NTRK2: variants seen among roughly 807,000 people sequenced by gnomAD.
NTRK2 encodes the protein BDNF/NT-3 growth factors receptor.
Under a neutral mutation model 94.5 loss-of-function variants are expected in NTRK2, and 13 were observed. The ratio of observed to expected loss-of-function variants is 0.14; its 90% confidence interval spans 0.09 to 0.22. The LOEUF is 0.22. NTRK2 is among the 10% of genes least tolerant of loss of function. NTRK2 has a pLI of 1.00. For missense variants in NTRK2, 639 were observed against 1,071.2 expected, an observed-to-expected ratio of 0.60 and a Z score of 5.63; for synonymous variants, 372 against 407.4, an observed-to-expected ratio of 0.91 and a Z score of 1.05.
At chr9:84,823,012 T>C (rs2072949823) in intron 12 of NTRK2, among the ~76,000 whole-genome samples, 1 of 152,134 alleles carries the variant, frequency 6.6e-6, no homozygotes, top group Non-Finnish European at 1.5e-5. Flanking sequence ...AACATCTGGG[T>C]TGAGTGCTTT....
At chr9:84,702,120 A>G (rs368535776) in intron 2 of NTRK2, 39 bp from the exon 3 acceptor site, 1 of 1,590,414 alleles carries the variant, frequency 6.3e-7, no homozygotes, top group Non-Finnish European at 8.6e-7. Context: ...TGCTGCCTAC[A>G]TTCTGAGTCA....
chr9:84,888,203 G>A (rs1477654781), intron 14 of NTRK2, among the ~76,000 whole-genome samples: 1 of 152,154 alleles, frequency 6.6e-6, no homozygotes, highest in East Asian at 1.9e-4. Context: ...GAAAGGGAAG[G>A]AGAAAGAAAA....
intron 15 of NTRK2, among the ~76,000 whole-genome samples, chr9:84,935,743 A>G (rs563873836): frequency 3.3e-4 from 50 of 152,256 alleles, no homozygotes; most frequent in African/African-American, 1.1e-3. Context: ...TGCTTTTGCT[A>G]TTACTTCCTC....
At chr9:84,719,835 G>A (rs966868677) in intron 6 of NTRK2, among the ~76,000 whole-genome samples, 4 of 151,902 alleles carry the variant, frequency 2.6e-5, no homozygotes, top group Non-Finnish European at 5.9e-5. Flanking sequence ...CCTGGGCAAT[G>A]TGGCGAAACC....
At chr9:84,733,585 A>G (rs1301962821) in intron 9 of NTRK2, among the ~76,000 whole-genome samples, 1 of 152,202 alleles carries the variant, frequency 6.6e-6, no homozygotes, top group Non-Finnish European at 1.5e-5. Context: ...CCTCTTGCCC[A>G]TATAACAAAA....
intron 14 of NTRK2, chr9:84,874,806 G>A: frequency 1.9e-6 from 2 of 1,058,202 alleles, no homozygotes; most frequent in Non-Finnish European, 2.3e-6. Flanking sequence ...GTGAGAGAAT[G>A]CTGAGGCAGT....
intron 14 of NTRK2, among the ~76,000 whole-genome samples, chr9:84,892,854 G>A (rs1224313780): frequency 2.0e-5 from 3 of 151,824 alleles, no homozygotes; most frequent in Non-Finnish European, 2.9e-5. Context: ...CTGGGGAGGC[G>A]GAAGTTTCAG....
At chr9:84,979,915 TA>T (rs1168152596) in intron 17 of NTRK2, among the ~76,000 whole-genome samples, 1 of 152,238 alleles carries the variant, frequency 6.6e-6, no homozygotes, top group Non-Finnish European at 1.5e-5. Context: ...TAAAGTGTTT[TA>T]AAATTAAGGT....
intron 12 of NTRK2, among the ~76,000 whole-genome samples, chr9:84,789,383 TCC>T (rs1165683661): frequency 2.0e-5 from 3 of 152,214 alleles, no homozygotes; most frequent in Non-Finnish European, 2.9e-5. Context: ...GAGCCAATTG[TCC>T]AGAGCCTTTG....
At chr9:84,784,763 A>G (rs2067958297) in intron 12 of NTRK2, among the ~76,000 whole-genome samples, 1 of 152,202 alleles carries the variant, frequency 6.6e-6, no homozygotes, top group African/African-American at 2.4e-5. Context: ...TAATAAATTA[A>G]TGTTGGTCAA....
chr9:84,717,411 T>C (rs533696119), intron 6 of NTRK2, among the ~76,000 whole-genome samples: 1 of 152,322 alleles, frequency 6.6e-6, no homozygotes, highest in East Asian at 1.9e-4. Context: ...GAATGAGTGA[T>C]TGAAGCACCT....
At chr9:84,921,654 G>T (rs2077570247) in intron 14 of NTRK2, among the ~76,000 whole-genome samples, 1 of 152,144 alleles carries the variant, frequency 6.6e-6, no homozygotes, top group South Asian at 2.1e-4. Flanking sequence ...AGTAGTGTCA[G>T]GATATGGCTG....
At position 85,025,083 on chromosome 9, in the gene NTRK2, CT is replaced by C. The variant is rs1377262619; in HGVS notation, c.*3647del. On this transcript the variant is annotated 3_prime_UTR_variant, in exon 19 of 19. Coordinates refer to ENST00000277120, the MANE Select transcript of NTRK2 (RefSeq NM_006180.6). ...ACCAAAACTGTTTAACGTCATGTTGCTGTTAGTGCTTCCATACTCCACGTGG... is the reference window on the plus strand; with the variant it reads ...ACCAAAACTGTTTAACGTCATGTTGCGTTAGTGCTTCCATACTCCACGTGG... 4.3e-6 allele frequency: 1 copy of C among 232,968 alleles called. No individual in the cohort carries two copies. Among genetic ancestry groups the C allele is most frequent in the Non-Finnish European group, 8.5e-6 (1 of 117,946 alleles). The allele number at this position is 232,968 out of a possible 1,614,324, so 14.4% of individuals were successfully genotyped here.
chr9:84,828,366 T>A (rs979295560), intron 12 of NTRK2, among the ~76,000 whole-genome samples: 1 of 152,212 alleles, frequency 6.6e-6, no homozygotes, highest in African/African-American at 2.4e-5. Context: ...TGAAAATTTA[T>A]CTTTTAGAAT....
At chr9:84,824,458 G>A in intron 12 of NTRK2, among the ~76,000 whole-genome samples, 1 of 152,182 alleles carries the variant, frequency 6.6e-6, no homozygotes, top group East Asian at 1.9e-4. Context: ...TTGGTATGTT[G>A]GCCCTGGGCT....
intron 17 of NTRK2, among the ~76,000 whole-genome samples, chr9:84,979,909 G>A (rs1015595679): frequency 6.6e-6 from 1 of 152,208 alleles, no homozygotes; most frequent in Non-Finnish European, 1.5e-5. Flanking sequence ...TAGCAATAAA[G>A]TGTTTTAAAA....
At chr9:84,825,683 A>G (rs929826043) in intron 12 of NTRK2, among the ~76,000 whole-genome samples, 16 of 151,992 alleles carry the variant, frequency 1.1e-4, no homozygotes, top group Admixed American at 8.5e-4. Context: ...CTATCTTCCC[A>G]CCCTCCTAGA....
Position 84,924,236 on chromosome 9 carries a change from AAAG to A in NTRK2, c.1634-9923_1634-9921del, listed in dbSNP as rs1481135635. 3.1e-4 allele frequency among the ~76,000 whole-genome samples: 25 copies of A among 80,346 alleles called. 1 individual carries two copies. The highest frequency in any genetic ancestry group is 2.7e-3 in the East Asian group (7 of 2,552). The allele number at this position is 80,346 out of a possible 152,430, so 52.7% of individuals were successfully genotyped here. ...TGTCTCAAAGAAAGAAAGTAGAAAGAAAGAAAGAAAGAAAGAAAGAAAGAAAGA... is the reference window on the plus strand; with the variant it reads ...TGTCTCAAAGAAAGAAAGTAGAAAGAAAAGAAAGAAAGAAAGAAAGAAAGA... On this transcript the variant is annotated intron_variant, in intron 14 of 18. Transcript: ENST00000277120.
Position 84,861,032 on chromosome 9 carries a change from G to A in NTRK2, c.1397-8G>A. Reference sequence around the variant, plus strand: ...GAAGTTTATTTTATGTTTTGTTGTGGTTTTCAGATTTCTCATGGTTTGGAT... The same window carrying A: ...GAAGTTTATTTTATGTTTTGTTGTGATTTTCAGATTTCTCATGGTTTGGAT... On this transcript the variant is annotated splice_polypyrimidine_tract_variant and splice_region_variant and intron_variant, in intron 12 of 18. Coordinates refer to ENST00000277120, the MANE Select transcript of NTRK2 (RefSeq NM_006180.6). The A allele has an allele frequency of 6.2e-7, 1 of 1,612,890 alleles. No individual in the cohort carries two copies. Among genetic ancestry groups the A allele is most frequent in the East Asian group, 2.2e-5 (1 of 44,790 alleles).
Sources: allele counts gnomAD v4.1 joint callset (sites outside exome capture counted in the v4.1 genomes callset), GRCh38; gene constraint gnomAD v4.1.1; transcripts MANE v1.5; gene names NCBI Gene and HGNC (gene_info 2026-07-23, HGNC 2026-07-21).